PXT1: variants seen among roughly 807,000 people sequenced by gnomAD.
PXT1 encodes peroxisomal testis enriched protein 1, also known as peroxisomal testis-specific protein 1.
A neutral mutation model predicts 11.0 loss-of-function variants in PXT1; 11 were observed. The observed-to-expected ratio is 1.00, with a 90% confidence interval of 0.63 to 1.66. PXT1 has a LOEUF of 1.66. Ranked by LOEUF, PXT1 falls within the 40% of genes most tolerant of loss-of-function variation. The pLI is 0.00. For synonymous variants in PXT1, 43 were observed against 51.4 expected, an observed-to-expected ratio of 0.84 and a Z score of 0.70; for missense variants, 141 against 155.5, an observed-to-expected ratio of 0.91 and a Z score of 0.49.
chr6:36,429,664 C>G (rs1191284546), intron 2 of PXT1, among the ~76,000 whole-genome samples: 1 of 150,818 alleles, frequency 6.6e-6, no homozygotes, highest in Non-Finnish European at 1.5e-5. Flanking sequence ...CACCACCATG[C>G]CTGGCTAATT....
chr6:36,392,928 C>T (rs1248115340), intron 4 of PXT1: 1 of 152,076 alleles, frequency 6.6e-6, no homozygotes. Flanking sequence ...CTTGCAGTGA[C>T]CTCAAGGCCC....
rs575529105 is a variant in PXT1, at chr6:36,429,465, T to C, written c.-9-3374A>G. Among the ~76,000 whole-genome samples, 5 of 147,408 alleles carry C rather than the reference T, an allele frequency of 3.4e-5. No homozygotes were observed. In the South Asian group the frequency reaches 1.1e-3, roughly 31 times the overall value. On this transcript the variant is annotated intron_variant, in intron 2 of 4. Transcript: ENST00000454782. Reference sequence around the variant, plus strand: ...GTTAGGTATCTTGTCATTATTATTATTATTTTCTTTTTCTTCACTTTTCTT... The same window carrying C: ...GTTAGGTATCTTGTCATTATTATTACTATTTTCTTTTTCTTCACTTTTCTT...
At chr6:36,410,820 C>T (rs567303239) in intron 3 of PXT1, among the ~76,000 whole-genome samples, 2 of 152,250 alleles carry the variant, frequency 1.3e-5, no homozygotes, top group East Asian at 3.9e-4. Context: ...TCCTATGCAC[C>T]ATCTGAGTCT....
At chr6:36,412,653 C>T (rs543652702) in intron 3 of PXT1, among the ~76,000 whole-genome samples, 1 of 66,496 alleles carries the variant, frequency 1.5e-5, no homozygotes, top group East Asian at 4.4e-4. Flanking sequence ...AGCAAGACTC[C>T]GTCTCAAAAA....
At chr6:36,406,611 G>A (rs1269411630) in intron 3 of PXT1, among the ~76,000 whole-genome samples, 2 of 152,054 alleles carry the variant, frequency 1.3e-5, no homozygotes, top group East Asian at 3.8e-4. Flanking sequence ...AGGAGTTCGA[G>A]ACCAGCCTGG....
At chr6:36,439,636 A>G (rs933287197) in intron 1 of PXT1, among the ~76,000 whole-genome samples, 4 of 89,702 alleles carry the variant, frequency 4.5e-5, no homozygotes, top group African/African-American at 1.7e-4. Flanking sequence ...CAACACTCAT[A>G]TAAGGCTGAA....
At chr6:36,407,527 G>A (rs941816) in intron 3 of PXT1, among the ~76,000 whole-genome samples, 122,197 of 151,902 alleles carry the variant, frequency 0.8, 49,386 homozygotes, top group African/African-American at 0.86. Context: ...TCAAGATAAA[G>A]TCATAGTCTA....
chr6:36,413,687 TA>T (rs1301008867), intron 3 of PXT1, among the ~76,000 whole-genome samples: 1 of 151,968 alleles, frequency 6.6e-6, no homozygotes, highest in Non-Finnish European at 1.5e-5. Flanking sequence ...TATGCCCAGC[TA>T]AACTGTCAAT....
At chr6:36,398,892 T>C (rs1774177481) in intron 4 of PXT1, among the ~76,000 whole-genome samples, 1 of 152,158 alleles carries the variant, frequency 6.6e-6, no homozygotes, top group African/African-American at 2.4e-5. Context: ...TGCATCCCTG[T>C]CTGACTTGGC....
chr6:36,430,296 T>C (rs1046873422), intron 2 of PXT1, among the ~76,000 whole-genome samples: 1 of 152,208 alleles, frequency 6.6e-6, no homozygotes, highest in Non-Finnish European at 1.5e-5. Context: ...CTATGTGTTG[T>C]AGGTTAAATA....
chr6:36,426,999 T>G (rs1774617519), intron 2 of PXT1, among the ~76,000 whole-genome samples: 1 of 151,030 alleles, frequency 6.6e-6, no homozygotes, highest in African/African-American at 2.4e-5. Flanking sequence ...AAGAATTGCA[T>G]TAGGACTTTT....
intron 3 of PXT1, among the ~76,000 whole-genome samples, chr6:36,410,454 T>TGAAGGAAGGAAGGAAATGGGAG (rs1774356712): frequency 1.5e-5 from 1 of 64,626 alleles, no homozygotes; most frequent in Non-Finnish European, 3.2e-5. Flanking sequence ...AAAAAAGAAA[T>TGAAGGAAGGAAGGAAATGGGAG]GAAGGAAGGA....
At chr6:36,420,077 T>C (rs1774502135) in intron 3 of PXT1, among the ~76,000 whole-genome samples, 1 of 152,222 alleles carries the variant, frequency 6.6e-6, no homozygotes, top group Non-Finnish European at 1.5e-5. Flanking sequence ...AACACTTATA[T>C]AGCACTTACA....
chr6:36,398,054 T>C (rs1774166845), intron 4 of PXT1, among the ~76,000 whole-genome samples: 1 of 151,600 alleles, frequency 6.6e-6, no homozygotes, highest in South Asian at 2.1e-4. Context: ...AGATAAGTAG[T>C]CAATTATAAA....
chr6:36,425,880 A>G (rs1378371758), intron 3 of PXT1, 34 bp downstream of exon 3: 1 of 1,457,754 alleles, frequency 6.9e-7, no homozygotes. Context: ...ATGCTAAGTA[A>G]ACTATTTATC....
chr6:36,410,121 G>C (rs989919460), intron 3 of PXT1, among the ~76,000 whole-genome samples: 3 of 149,218 alleles, frequency 2.0e-5, no homozygotes, highest in Non-Finnish European at 4.4e-5. Flanking sequence ...TCGGGAGTTC[G>C]AGACCAGGAA....
chr6:36,417,127 C>T (rs1774460338), intron 3 of PXT1, among the ~76,000 whole-genome samples: 1 of 152,156 alleles, frequency 6.6e-6, no homozygotes, highest in Non-Finnish European at 1.5e-5. Context: ...GGGCAGATCA[C>T]CTGAGGTCAG....
chr6:36,440,759 T>G (rs1183381965), intron 1 of PXT1, among the ~76,000 whole-genome samples: 1 of 152,074 alleles, frequency 6.6e-6, no homozygotes, highest in Non-Finnish European at 1.5e-5. Flanking sequence ...AGGTACCCAG[T>G]CTGATATGCT....
chr6:36,433,009 T>C (rs1479717661), intron 2 of PXT1, among the ~76,000 whole-genome samples: 1 of 152,164 alleles, frequency 6.6e-6, no homozygotes, highest in Non-Finnish European at 1.5e-5. Flanking sequence ...CAGTGAATTC[T>C]TTCAATTGAT....
Sources: allele counts gnomAD v4.1 joint callset (sites outside exome capture counted in the v4.1 genomes callset), GRCh38; gene constraint gnomAD v4.1.1; transcripts MANE v1.5; gene names NCBI Gene and HGNC (gene_info 2026-07-23, HGNC 2026-07-21).